Variants in NOTUM observed in about 807,000 individuals in gnomAD.
NOTUM encodes the protein palmitoleoyl-protein carboxylesterase NOTUM.
A neutral mutation model predicts 65.5 loss-of-function variants in NOTUM; 36 were observed. The observed-to-expected ratio is 0.55, with a 90% CI of 0.42 to 0.73. The LOEUF is 0.73. NOTUM is among the 30% of genes least tolerant of loss of function. NOTUM has a pLI of 0.00. For missense variants in NOTUM, 659 were observed against 694.2 expected, an observed-to-expected ratio of 0.95 and a Z score of 0.57; for synonymous variants, 356 against 297.9, an observed-to-expected ratio of 1.20 and a Z score of -2.01.
At chr17:81,959,840 G>A (rs910969796) in intron 1 of NOTUM, 148 bp from the exon 2 acceptor site, 5 of 294,548 alleles carry the variant, frequency 1.7e-5, no homozygotes, top group Admixed American at 5.3e-5. Context: ...CCCACGGGGA[G>A]CTCAGGGACG....
Position 81,961,048 on chromosome 17 carries a change from G to GTCTCC in NOTUM, c.-140_-139insGGAGA. The GTCTCC allele has an allele frequency of 3.6e-6, 1 of 280,158 alleles. No homozygotes were observed. 17.4% of individuals were successfully genotyped at this position (280,158 alleles called of 1,614,324 possible). Reference sequence around the variant, plus strand: ...CCCTCGCCCCCGCTCCCGCCCGCCGGGCCTGGCGGAGAAGGCGCGCGCGGC... The same window carrying GTCTCC: ...CCCTCGCCCCCGCTCCCGCCCGCCGGTCTCCGCCTGGCGGAGAAGGCGCGCGCGGC... On this transcript the variant is annotated 5_prime_UTR_variant, in exon 1 of 11. Coordinates refer to ENST00000409678, the MANE Select transcript of NOTUM (RefSeq NM_178493.6).
chr17:81,955,736 C>G, intron 8 of NOTUM, among the ~76,000 whole-genome samples, 192 bp from the exon 9 acceptor site: 1 of 123,168 alleles, frequency 8.1e-6, no homozygotes, highest in East Asian at 2.4e-4. Context: ...CAGTGCCCCC[C>G]ACCCCAGGCT....
At chr17:81,955,282 A>T (rs1006283571) in intron 9 of NOTUM, 115 bp downstream of exon 9, 2 of 984,458 alleles carry the variant, frequency 2.0e-6, no homozygotes, top group Admixed American at 2.6e-5. Flanking sequence ...CGCCCGGCCT[A>T]CAAGACCTCT....
chr17:81,955,913 C>T (rs1481764958), intron 8 of NOTUM, among the ~76,000 whole-genome samples: 43 of 147,740 alleles, frequency 2.9e-4, no homozygotes, highest in Non-Finnish European at 5.0e-4. Flanking sequence ...CCCAGGTCCC[C>T]GCTGCTGCCC....
At position 81,960,957 on chromosome 17, in the gene NOTUM, G is replaced by GGCA; in HGVS notation, c.-49_-48insTGC. 1 of 1,111,654 alleles carries GGCA rather than the reference G, an allele frequency of 9.0e-7. No individual in the cohort carries two copies. The highest frequency in any genetic ancestry group is 1.1e-6 in the Non-Finnish European group (1 of 892,022). 68.9% of individuals were successfully genotyped at this position (1,111,654 alleles called of 1,614,324 possible). A position where few individuals can be genotyped will look rare whatever the true frequency, so the allele number is the denominator to read the frequency against. ...CGGGCGGCCTTGAGGCGGCGGCGGC[G>GGCA]GCGGCGGGGGATGCCGGGCCGGGGG... is the stretch of plus-strand genomic sequence containing the variant. On this transcript the variant is annotated 5_prime_UTR_variant, in exon 1 of 11. Transcript: ENST00000409678. This position sits in a 1 kb window ranked among gnomAD's most constrained non-coding sequence, Gnocchi z 6.4.
rs1257518170 is a variant in NOTUM at position 81,960,815 on chromosome 17, T to C, written c.95A>G (p.Gln32Arg). ...GRKTWRRRGQ[Q>R]PPPPPRTEAA... ...CTCGGTCCGCGGGGGAGGAGGCGGC[T>C]GCTGACCCCGGCGCCGCCAGGTCTT... The change falls in exon 1 of 11, where the codon CAG becomes CGG. Residue 32 changes from glutamine (Q) to arginine (R), a missense_variant. By Grantham distance (43) the Gln-to-Arg change is conservative (BLOSUM62 1). Transcript: ENST00000409678. This position sits in a 1 kb window ranked among gnomAD's most constrained non-coding sequence, Gnocchi z 6.4. 7.8e-6 allele frequency: 12 copies of C among 1,534,582 alleles called. No homozygotes were observed. Among genetic ancestry groups the C allele is most frequent in the Non-Finnish European group, 1.1e-5 (12 of 1,142,542 alleles).
chr17:81,956,675 G>C lies in NOTUM; in HGVS notation c.963C>G (p.Gly321=). 1.9e-6 allele frequency: 3 copies of C among 1,612,652 alleles called. No individual in the cohort carries two copies. The highest frequency in any genetic ancestry group is 2.5e-6 in the Non-Finnish European group (3 of 1,179,552). ...QEGEEWNCFF[G]YKVYPTLRCP... ...AGCGCAGGGTCGGGTAGACCTTGTA[G>C]CCAAAGAAGCAGTTCCACTCCTCGC... Residue 321 remains glycine (G), a synonymous_variant, in exon 8 of 11, where the codon GGC becomes GGG. Coordinates refer to ENST00000409678, the MANE Select transcript of NOTUM (RefSeq NM_178493.6).
intron 8 of NOTUM, 85 bp downstream of exon 8, chr17:81,956,565 G>C: frequency 1.1e-6 from 1 of 939,394 alleles, no homozygotes; most frequent in Middle Eastern, 2.1e-4. Flanking sequence ...CAGCCCAGAA[G>C]ACTGGAGTCC....
intron 7 of NOTUM, 30 bp from the exon 8 acceptor site, chr17:81,956,780 G>C: frequency 1.2e-6 from 2 of 1,602,424 alleles, no homozygotes; most frequent in African/African-American, 2.7e-5. Context: ...TTAGGCTGCC[G>C]TGGGTCTCGT....
intron 9 of NOTUM, 83 bp from the exon 10 acceptor site, chr17:81,954,386 G>T: frequency 1.2e-6 from 1 of 855,080 alleles, no homozygotes; most frequent in Non-Finnish European, 1.7e-6. Context: ...GCTGTCCCCC[G>T]CCTGGCCATC....
At chr17:81,959,380 G>A (rs2041456905) in intron 3 of NOTUM, 91 bp downstream of exon 3, 9 of 981,714 alleles carry the variant, frequency 9.2e-6, no homozygotes, top group South Asian at 9.1e-5. Context: ...CATGATGTGC[G>A]GGGTGGGGGC....
Position 81,953,120 on chromosome 17 carries a change from G to A in NOTUM, c.1332C>T (p.His444=). 6.2e-7 allele frequency: 1 copy of A among 1,613,758 alleles called. No individual in the cohort carries two copies. The highest frequency in any genetic ancestry group is 8.5e-7 in the Non-Finnish European group (1 of 1,179,780). The change falls in exon 11 of 11, where the codon CAC becomes CAT. Residue 444 remains histidine (H), a synonymous_variant. Coordinates refer to ENST00000409678, the MANE Select transcript of NOTUM (RefSeq NM_178493.6). The part of the protein sequence containing the change: ...VHLVDSCPWP[H]CNPSCPTVRD... ...GGACGGTGGGGCATGAGGGGTTGCAGTGGGGCCAGGGGCAGCTGTCCACCA... is the reference window on the plus strand; with the variant it reads ...GGACGGTGGGGCATGAGGGGTTGCAATGGGGCCAGGGGCAGCTGTCCACCA...
chr17:81,957,684 G>A (rs1427745861), intron 6 of NOTUM, 122 bp downstream of exon 6: 6 of 692,074 alleles, frequency 8.7e-6, no homozygotes, highest in Admixed American at 4.7e-5. Context: ...CTAGCCACCT[G>A]CCAAGATCTG....
rs1029571532 is a variant in NOTUM at position 81,960,089 on chromosome 17, C to A, written c.324-397G>T. ...GCGGGAGGCGCGGGCGGCACCGACC[C>A]GGCGGGGGAGCCTTCCTGCCGAGCC... On this transcript the variant is annotated intron_variant, in intron 1 of 10. Coordinates refer to ENST00000409678, the MANE Select transcript of NOTUM (RefSeq NM_178493.6). This position sits in a 1 kb window ranked among gnomAD's most constrained non-coding sequence, Gnocchi z 6.4. 1.2e-4 allele frequency among the ~76,000 whole-genome samples: 19 copies of A among 152,008 alleles called. No individual in the cohort carries two copies. Among genetic ancestry groups the A allele is most frequent in the Non-Finnish European group, 5.9e-5 (4 of 67,946 alleles).
chr17:81,960,911 G>T lies in NOTUM; in HGVS notation c.-2C>A. ...CAGCACGCGCACCCCTCGGCCCATG[G>T]CCGCGTCCACCTGCGGGGAGCGGGC... On this transcript the variant is annotated 5_prime_UTR_variant, in exon 1 of 11. Transcript: ENST00000409678. This position sits in a 1 kb window ranked among gnomAD's most constrained non-coding sequence, Gnocchi z 6.4. 2 of 1,247,924 alleles carry T rather than the reference G, an allele frequency of 1.6e-6. No homozygotes were observed. The highest frequency in any genetic ancestry group is 2.0e-6 in the Non-Finnish European group (2 of 996,146). The allele number at this position is 1,247,924 out of a possible 1,614,324, so 77.3% of individuals were successfully genotyped here. A position where few individuals can be genotyped will look rare whatever the true frequency, so the allele number is the denominator to read the frequency against.
intron 3 of NOTUM, 103 bp downstream of exon 3, chr17:81,959,368 G>A (rs947607615): frequency 1.1e-6 from 1 of 891,372 alleles, no homozygotes; most frequent in Non-Finnish European, 1.7e-6. Context: ...CGCCAGGCTG[G>A]GCATGATGTG....
rs1036432913 is a variant in NOTUM, at chr17:81,960,297, G to C, written c.323+290C>G. On this transcript the variant is annotated intron_variant, in intron 1 of 10. Transcript: ENST00000409678. This position sits in a 1 kb window ranked among gnomAD's most constrained non-coding sequence, Gnocchi z 6.4. ...GCCGGTTCCCGCTGGAGCCAGGCGCGCTCTCGGGCTGCCATCTCCCCGCCC... is the reference window on the plus strand; with the variant it reads ...GCCGGTTCCCGCTGGAGCCAGGCGCCCTCTCGGGCTGCCATCTCCCCGCCC... 6.6e-6 allele frequency among the ~76,000 whole-genome samples: 1 copy of C among 152,212 alleles called. No individual in the cohort carries two copies. The highest frequency in any genetic ancestry group is 1.5e-5 in the Non-Finnish European group (1 of 68,026).
At position 81,955,512 on chromosome 17, in the gene NOTUM, C is replaced by T. The variant is rs757108630; in HGVS notation, c.1021G>A (p.Glu341Lys). 1.3e-5 allele frequency: 21 copies of T among 1,611,446 alleles called. No homozygotes were observed. The highest frequency in any genetic ancestry group is 1.7e-5 in the Non-Finnish European group (20 of 1,179,404). The change falls in exon 9 of 11, where the codon GAG (glutamate) becomes AAG (lysine). Residue 341 changes from glutamate to lysine, a missense_variant. By Grantham distance (56) the Glu-to-Lys change is moderately conservative. Transcript: ENST00000409678. ...ACGTTGTCCACCGTCAGCTGTGCCT[C>T]GTCAAACAGCCACTGCACCACGAAC... ...PVFVVQWLFD[E>K]AQLTVDNVHL...
rs751243378 is a variant in NOTUM, at chr17:81,958,295, C to A, written c.592+40G>T. The A allele has an allele frequency of 2.1e-6, 3 of 1,440,616 alleles. No individual in the cohort carries two copies. The South Asian group carries it at 3.4e-5, about 16-fold the overall frequency. 89.2% of individuals were successfully genotyped at this position (1,440,616 alleles called of 1,614,324 possible). A position where few individuals can be genotyped will look rare whatever the true frequency, so the allele number is the denominator to read the frequency against. On this transcript the variant is annotated intron_variant, in intron 5 of 10. Transcript: ENST00000409678. ...TCCTCCCTGCCCTGCCATCCGGCCC[C>A]GTCCCTGCCCTGCCATGCCCTGGGA...
Sources: allele counts gnomAD v4.1 joint callset (sites outside exome capture counted in the v4.1 genomes callset), GRCh38; gene constraint gnomAD v4.1.1; non-coding constraint Gnocchi (gnomAD v3.1); transcripts MANE v1.5; gene names NCBI Gene and HGNC (gene_info 2026-07-23, HGNC 2026-07-21).